The following FAM149B1 variants were observed in gnomAD, a reference collection of about 807,000 sequenced individuals.
FAM149B1 encodes the protein family with sequence similarity 149 member B1.
A neutral mutation model predicts 75.3 loss-of-function variants in FAM149B1; 56 were observed. The ratio of observed to expected loss-of-function variants is 0.74; its 90% CI spans 0.60 to 0.93. FAM149B1 has a LOEUF of 0.93. Ranked by LOEUF, FAM149B1 falls within the 40% of genes least tolerant of loss-of-function variation. FAM149B1 has a pLI of 0.00. For missense variants in FAM149B1, 639 were observed against 708.4 expected (o/e 0.90, Z 1.11); for synonymous variants, 259 against 256.1 (o/e 1.01, Z -0.11).
chr10:73,168,851 A>AG (rs1185952080), intron 1 of FAM149B1: 2 of 159,204 alleles, frequency 1.3e-5, no homozygotes, highest in Non-Finnish European at 2.8e-5. Context: ...ACACAGCTTG[A>AG]AGGTGGTAGA....
chr10:73,212,853 C>CTCTCTGTT lies in FAM149B1; in HGVS notation c.898+2420_898+2421insGTTTCTCT, dbSNP rs2043215356. Reference sequence around the variant, plus strand: ...CCTGTTTCTCTCTCTCACTCTCTCTCTCTCTCTGTGTTTCTCTCTCTCTCT... The same window carrying CTCTCTGTT: ...CCTGTTTCTCTCTCTCACTCTCTCTCTCTCTGTTTCTCTCTGTGTTTCTCTCTCTCTCT... On this transcript the variant is annotated intron_variant, in intron 7 of 13. Coordinates refer to ENST00000242505, the MANE Select transcript of FAM149B1 (RefSeq NM_173348.2). 2.1e-5 allele frequency among the ~76,000 whole-genome samples: 3 copies of CTCTCTGTT among 146,124 alleles called. No homozygotes were observed. In the South Asian group the frequency reaches 7.0e-4, roughly 34 times the overall value.
At chr10:73,203,502 A>G (rs543405108) in intron 5 of FAM149B1, among the ~76,000 whole-genome samples, 4 of 152,188 alleles carry the variant, frequency 2.6e-5, no homozygotes, top group East Asian at 1.9e-4. Flanking sequence ...GACATCTTCT[A>G]TTTTTCCCAA....
At chr10:73,207,345 C>G (rs1028660711) in intron 5 of FAM149B1, among the ~76,000 whole-genome samples, 3 of 152,096 alleles carry the variant, frequency 2.0e-5, no homozygotes, top group Non-Finnish European at 4.4e-5. Context: ...GGGCAGATCA[C>G]TAGAGACCAG....
At chr10:73,213,259 A>G (rs1337754351) in intron 7 of FAM149B1, among the ~76,000 whole-genome samples, 1 of 152,044 alleles carries the variant, frequency 6.6e-6, no homozygotes, top group Non-Finnish European at 1.5e-5. Flanking sequence ...GTTTGCAAAT[A>G]TTTTTTGCCA....
At chr10:73,210,950 A>C (rs2043175591) in intron 7 of FAM149B1, among the ~76,000 whole-genome samples, 1 of 152,086 alleles carries the variant, frequency 6.6e-6, no homozygotes, top group Non-Finnish European at 1.5e-5. Context: ...TTTTTCCCCC[A>C]CAACCCAAGC....
In FAM149B1 at chr10:73,194,677, TTTC is replaced by T. The variant is rs2042758863; in HGVS notation, c.542+1087_542+1089del. Among the ~76,000 whole-genome samples the T allele has an allele frequency of 2.0e-5, 3 of 149,944 alleles. No individual in the cohort carries two copies. The South Asian group carries it at 6.3e-4, about 32-fold the overall frequency. The stretch of plus-strand genomic sequence containing the variant: ...CGCACCCAGACTTTTTTTTTTCTTT[TTTC>T]TTTTTTTTTCTCTTGAGACAGAATC... On this transcript the variant is annotated intron_variant, in intron 5 of 13. Transcript: ENST00000242505.
At chr10:73,215,869 G>T (rs973245690) in intron 7 of FAM149B1, among the ~76,000 whole-genome samples, 8 of 152,198 alleles carry the variant, frequency 5.3e-5, no homozygotes, top group Admixed American at 4.6e-4. Context: ...GCTGATGAAA[G>T]AATGTATATT....
At chr10:73,204,137 G>T (rs566315276) in intron 5 of FAM149B1, among the ~76,000 whole-genome samples, 28 of 151,046 alleles carry the variant, frequency 1.9e-4, no homozygotes, top group Non-Finnish European at 2.7e-4. Flanking sequence ...TTATTTTTTT[G>T]TGTGTGTGAC....
chr10:73,196,315 C>A (rs1182260645), intron 5 of FAM149B1, among the ~76,000 whole-genome samples: 1 of 151,716 alleles, frequency 6.6e-6, no homozygotes, highest in Non-Finnish European at 1.5e-5. Context: ...TGCTATTTTG[C>A]CCCCCACCCT....
At chr10:73,170,333 TCTCTACTAAAAATG>T (rs997270293) in intron 1 of FAM149B1, among the ~76,000 whole-genome samples, 4 of 152,008 alleles carry the variant, frequency 2.6e-5, no homozygotes, top group African/African-American at 9.7e-5. Context: ...TGAAACCCTG[TCTCTACTAAAAATG>T]CAAAAAATTA....
At chr10:73,177,513 G>A (rs1212885636) in intron 2 of FAM149B1, among the ~76,000 whole-genome samples, 1 of 152,014 alleles carries the variant, frequency 6.6e-6, no homozygotes, top group African/African-American at 2.4e-5. Flanking sequence ...GGCCGAGGTT[G>A]CAATGAGTCA....
In FAM149B1 at chr10:73,207,491, G is replaced by C. The variant is rs1377734347; in HGVS notation, c.543-1128G>C. 5.3e-5 allele frequency among the ~76,000 whole-genome samples: 8 copies of C among 152,034 alleles called. No individual in the cohort carries two copies. In the South Asian group the frequency reaches 1.5e-3, roughly 28 times the overall value. On this transcript the variant is annotated intron_variant, in intron 5 of 13. Transcript: ENST00000242505. ...AGGCAGGAGAACTGCTTGAACCCGG[G>C]AGGCAGAGGTTGCAGTGGGCCGAGA...
At chr10:73,199,497 G>A (rs2042885502) in intron 5 of FAM149B1, among the ~76,000 whole-genome samples, 2 of 152,028 alleles carry the variant, frequency 1.3e-5, no homozygotes, top group South Asian at 2.1e-4. Context: ...GATTACAGGC[G>A]TGAGCCACTG....
At chr10:73,223,635 A>G (rs2043468836) in intron 7 of FAM149B1, among the ~76,000 whole-genome samples, 1 of 151,988 alleles carries the variant, frequency 6.6e-6, no homozygotes, top group African/African-American at 2.4e-5. Flanking sequence ...CCTCTCCAGT[A>G]TTGTGTGAGA....
At chr10:73,170,975 ATT>A (rs199626934) in intron 1 of FAM149B1, among the ~76,000 whole-genome samples, 36 of 144,602 alleles carry the variant, frequency 2.5e-4, no homozygotes, top group African/African-American at 6.0e-4. Flanking sequence ...TTTTCTTTCT[ATT>A]TTTTTTTTTT....
At chr10:73,219,271 G>A (rs1031932588) in intron 7 of FAM149B1, among the ~76,000 whole-genome samples, 4 of 152,082 alleles carry the variant, frequency 2.6e-5, no homozygotes, top group African/African-American at 9.7e-5. Flanking sequence ...CTAATGAAAT[G>A]GAAAGACATC....
At chr10:73,229,194 T>A (rs181759787) in intron 8 of FAM149B1, among the ~76,000 whole-genome samples, 23 of 152,286 alleles carry the variant, frequency 1.5e-4, no homozygotes, top group Non-Finnish European at 2.6e-4. Context: ...CCCTGTGTAA[T>A]GATTTATGTA....
rs2043974097 is a variant in FAM149B1 at position 73,243,259 on chromosome 10, G to C, written c.*2240G>C. ...AAGATCAGGTTGAGAGATTCTGCTT[G>C]GTCTAGTCAATCTGAAAAATTCAGG... On this transcript the variant is annotated 3_prime_UTR_variant, in exon 14 of 14. Coordinates refer to ENST00000242505, the MANE Select transcript of FAM149B1 (RefSeq NM_173348.2). 1.2e-6 allele frequency: 1 copy of C among 836,282 alleles called. No homozygotes were observed. The highest frequency in any genetic ancestry group is 1.6e-5 in the South Asian group (1 of 60,692). The allele number at this position is 836,282 out of a possible 1,614,324, so 51.8% of individuals were successfully genotyped here.
At chr10:73,225,955 TAATAGG>T (rs1344770628) in intron 7 of FAM149B1, among the ~76,000 whole-genome samples, 2 of 152,190 alleles carry the variant, frequency 1.3e-5, no homozygotes, top group Non-Finnish European at 2.9e-5. Flanking sequence ...CTAAGGTGTG[TAATAGG>T]CTGTATCACC....
Sources: allele counts gnomAD v4.1 joint callset (sites outside exome capture counted in the v4.1 genomes callset), GRCh38; gene constraint gnomAD v4.1.1; transcripts MANE v1.5; gene names NCBI Gene and HGNC (gene_info 2026-07-23, HGNC 2026-07-21).